Variants in SLC5A1 observed in about 807,000 individuals in gnomAD.
SLC5A1 encodes the protein solute carrier family 5 member 1.
SLC5A1 carries 42 observed loss-of-function variants against 73.5 expected under a neutral mutation model. That is an observed-to-expected ratio of 0.57 (90% CI 0.45 to 0.74). SLC5A1 has a LOEUF of 0.74. SLC5A1 is among the 30% of genes least tolerant of loss of function. The probability of loss-of-function intolerance (pLI) is 0.00; values close to 1 mark genes in which losing one functional copy is unlikely to be tolerated. For missense variants in SLC5A1, 634 were observed against 855.4 expected (o/e 0.74, Z 3.23); for synonymous variants, 300 against 317.4 (o/e 0.95, Z 0.58).
intron 14 of SLC5A1, among the ~76,000 whole-genome samples, chr22:32,106,722 T>G (rs1028057072): frequency 6.6e-6 from 1 of 152,252 alleles, no homozygotes; most frequent in African/African-American, 2.4e-5. Context: ...AATACTTTCT[T>G]CTACTTCAGT....
At chr22:32,051,878 G>T (rs1395882129) in intron 2 of SLC5A1, among the ~76,000 whole-genome samples, 3 of 152,200 alleles carry the variant, frequency 2.0e-5, no homozygotes, top group Non-Finnish European at 4.4e-5. Flanking sequence ...TGAATGAATG[G>T]ATGTGGCTGA....
chr22:32,044,944 A>G (rs2093935203), intron 1 of SLC5A1, among the ~76,000 whole-genome samples: 1 of 152,226 alleles, frequency 6.6e-6, no homozygotes, highest in South Asian at 2.1e-4. Context: ...GGTGGGTAGT[A>G]TATTTTTACA....
At chr22:32,089,380 G>T (rs1054808342) in intron 10 of SLC5A1, among the ~76,000 whole-genome samples, 8 of 152,110 alleles carry the variant, frequency 5.3e-5, no homozygotes, top group Non-Finnish European at 1.2e-4. Context: ...ATTATTTAAA[G>T]ATATAAAACC....
chr22:32,051,643 G>T (rs564394956), intron 2 of SLC5A1, among the ~76,000 whole-genome samples: 1 of 152,104 alleles, frequency 6.6e-6, no homozygotes, highest in African/African-American at 2.4e-5. Flanking sequence ...GGGACAGAGT[G>T]AGACCCTGTT....
intron 5 of SLC5A1, among the ~76,000 whole-genome samples, chr22:32,072,999 T>G (rs1479495059): frequency 6.6e-6 from 1 of 152,256 alleles, no homozygotes; most frequent in East Asian, 1.9e-4. Flanking sequence ...TTTTTCACTT[T>G]CTTGATAATG....
At chr22:32,055,459 A>G (rs2093950418) in intron 2 of SLC5A1, among the ~76,000 whole-genome samples, 1 of 152,196 alleles carries the variant, frequency 6.6e-6, no homozygotes, top group South Asian at 2.1e-4. Context: ...GAGAGACACT[A>G]ATCATGATTA....
In SLC5A1 at chr22:32,084,496, C is replaced by T. The variant is rs1243512567; in HGVS notation, c.722C>T (p.Pro241Leu). ...AFMEKYMKAI[P>L]TIVSDGNTTF... is the part of the protein sequence containing the mutation. ...ATGGAAAAGTACATGAAAGCCATTC[C>T]AACCATAGTGTCTGATGGCAACACC... The change falls in exon 8 of 15, where the codon CCA becomes CTA. Residue 241 changes from proline (P) to leucine (L), a missense_variant. Transcript: ENST00000266088. The T allele has an allele frequency of 1.2e-6, 2 of 1,614,112 alleles. No individual in the cohort carries two copies. Among genetic ancestry groups the T allele is most frequent in the Non-Finnish European group, 1.7e-6 (2 of 1,180,034 alleles).
At chr22:32,060,255 G>A (rs1184272479) in intron 2 of SLC5A1, among the ~76,000 whole-genome samples, 5 of 151,680 alleles carry the variant, frequency 3.3e-5, no homozygotes, top group African/African-American at 1.2e-4. Flanking sequence ...CCAATAGCGC[G>A]ATCTCGGCTC....
intron 2 of SLC5A1, chr22:32,059,367 T>C: frequency 1.0e-6 from 1 of 984,340 alleles, no homozygotes; most frequent in African/African-American, 1.7e-5. Flanking sequence ...AGGATGGAGA[T>C]CGGCTCTGGA....
chr22:32,050,447 A>G (rs545526950), intron 2 of SLC5A1, among the ~76,000 whole-genome samples: 1 of 152,296 alleles, frequency 6.6e-6, no homozygotes, highest in East Asian at 1.9e-4. Flanking sequence ...GGAAGAAGGA[A>G]CAACTTGTAT....
chr22:32,107,690 A>G (rs2094048777), intron 14 of SLC5A1, among the ~76,000 whole-genome samples: 1 of 152,190 alleles, frequency 6.6e-6, no homozygotes, highest in Admixed American at 6.5e-5. Flanking sequence ...CGTACTGGCT[A>G]GAGATTTGAC....
At chr22:32,090,560 C>T (rs185952600) in intron 10 of SLC5A1, among the ~76,000 whole-genome samples, 1 of 152,256 alleles carries the variant, frequency 6.6e-6, no homozygotes, top group Non-Finnish European at 1.5e-5. Context: ...TGTTTATCCA[C>T]TTATCATTTG....
intron 11 of SLC5A1, among the ~76,000 whole-genome samples, chr22:32,097,426 CAAGT>C (rs1339491889): frequency 6.6e-6 from 1 of 152,148 alleles, no homozygotes; most frequent in African/African-American, 2.4e-5. Flanking sequence ...ATTTAAGTTG[CAAGT>C]AAGTGAGAAA....
At chr22:32,104,677 G>C in intron 13 of SLC5A1, 109 bp from the exon 14 acceptor site, 1 of 766,046 alleles carries the variant, frequency 1.3e-6, no homozygotes, top group Non-Finnish European at 2.3e-6. Context: ...CTGGTACTGA[G>C]ATGCCACATT....
rs33940137 is a variant in SLC5A1, at chr22:32,091,718, G to A, written c.1236G>A (p.Lys412=). ...STLFTMDIYA[K]VRKRASEKEL... ...TCTTCACCATGGACATCTACGCCAA[G>A]GTCCGCAAGAGAGCATCTGAGAAAG... Residue 412 remains lysine, a synonymous_variant, in exon 11 of 15, where the codon AAG becomes AAA. Coordinates refer to ENST00000266088, the MANE Select transcript of SLC5A1 (RefSeq NM_000343.4). 37 of 1,613,906 alleles carry A rather than the reference G, an allele frequency of 2.3e-5. 2 individuals carry two copies. The highest frequency in any genetic ancestry group is 2.5e-5 in the Non-Finnish European group (29 of 1,179,994).
intron 10 of SLC5A1, among the ~76,000 whole-genome samples, chr22:32,090,177 C>T (rs1258506456): frequency 1.3e-5 from 2 of 150,100 alleles, no homozygotes; most frequent in African/African-American, 2.4e-5. Flanking sequence ...TTAAAATGTA[C>T]AATTCAGTGG....
intron 10 of SLC5A1, among the ~76,000 whole-genome samples, chr22:32,088,116 C>G (rs1603132251): frequency 6.6e-6 from 1 of 152,180 alleles, no homozygotes; most frequent in African/African-American, 2.4e-5. Context: ...CACAGTGACT[C>G]TTCTAGAAAA....
chr22:32,066,993 G>A lies in SLC5A1; in HGVS notation c.266G>A (p.Gly89Glu), dbSNP rs1325718689. ...AGTGGCCACTTTGTGGGGCTGGCCG[G>A]GACTGGGGCAGCTTCAGGCATCGCC... ...IGSGHFVGLA[G>E]TGAASGIAIG... The change falls in exon 3 of 15, where the codon GGG becomes GAG. Residue 89 changes from glycine to glutamate, a missense_variant. Gly to Glu is a moderately conservative substitution (Grantham distance 98, BLOSUM62 -2). Coordinates refer to ENST00000266088, the MANE Select transcript of SLC5A1 (RefSeq NM_000343.4). The A allele has an allele frequency of 1.2e-6, 2 of 1,613,796 alleles. No individual in the cohort carries two copies. Among genetic ancestry groups the A allele is most frequent in the Non-Finnish European group, 1.7e-6 (2 of 1,179,778 alleles).
intron 11 of SLC5A1, among the ~76,000 whole-genome samples, chr22:32,093,796 G>T (rs2094022077): frequency 6.6e-6 from 1 of 152,176 alleles, no homozygotes; most frequent in Non-Finnish European, 1.5e-5. Flanking sequence ...ACCAGTGACA[G>T]TTTGACTTCC....
Sources: gnomAD v4.1 joint callset for allele counts (sites outside exome capture counted in the v4.1 genomes callset) on GRCh38, gnomAD v4.1.1 for gene constraint, MANE v1.5 for transcripts, NCBI Gene and HGNC (gene_info 2026-07-23, HGNC 2026-07-21) for gene names.